The following KAZN variants were observed in gnomAD, a reference collection of about 807,000 sequenced individuals.
KAZN encodes kazrin, periplakin interacting protein, also known as kazrin.
KAZN carries 40 observed loss-of-function variants against 87.4 expected under a neutral mutation model. The ratio of observed to expected loss-of-function variants is 0.46; its 90% CI spans 0.36 to 0.60. The LOEUF (loss-of-function observed/expected upper bound fraction) is 0.60, where lower values mean the gene tolerates loss of function less well. KAZN is among the 20% of genes least tolerant of loss of function. KAZN has a pLI of 0.00. For synonymous variants in KAZN, 466 were observed against 458.3 expected, an observed-to-expected ratio of 1.02 and a Z score of -0.22; for missense variants, 898 against 1,073.9, an observed-to-expected ratio of 0.84 and a Z score of 2.29.
chr1:13,926,543 A>G (rs1640284407), intron 1 of KAZN, among the ~76,000 whole-genome samples: 1 of 152,082 alleles, frequency 6.6e-6, no homozygotes, highest in Non-Finnish European at 1.5e-5. Flanking sequence ...GTACACGTGT[A>G]GCCAGTGACA....
rs190195952 is a variant in KAZN, at chr1:14,727,688, A to G, written c.226+128465A>G. Among the ~76,000 whole-genome samples, 576 of 149,576 alleles carry G rather than the reference A, an allele frequency of 3.9e-3. 7 individuals carry two copies. The highest frequency in any genetic ancestry group is 0.013 in the African/African-American group (545 of 40,770). Reference sequence around the variant, plus strand: ...TCCATGTTGGTCAGGCTGGTCTCGAACTCCCGACCTGAGGTAATCCGCCCA... The same window carrying G: ...TCCATGTTGGTCAGGCTGGTCTCGAGCTCCCGACCTGAGGTAATCCGCCCA... On this transcript the variant is annotated intron_variant, in intron 1 of 14. Transcript: ENST00000376030.
In KAZN at chr1:14,466,924, G is replaced by A. The variant is rs543507756; in HGVS notation, c.250-132059G>A. On this transcript the variant is annotated intron_variant, in intron 2 of 16. Coordinates refer to the KAZN transcript ENST00000636203. ...GTGGAGGTTGCAGTGAGCCGAGATC[G>A]CGCCACTGCGCTCCAGCCTGGGCGA... Among the ~76,000 whole-genome samples the A allele has an allele frequency of 3.9e-5, 6 of 152,220 alleles. No homozygotes were observed. The East Asian group carries it at 7.7e-4, about 20-fold the overall frequency.
upstream of KAZN, among the ~76,000 whole-genome samples, chr1:14,598,229 C>G (rs549231686): frequency 2.0e-5 from 3 of 152,284 alleles, no homozygotes; most frequent in South Asian, 6.2e-4. This position sits in a 1 kb window ranked among gnomAD's most constrained non-coding sequence, Gnocchi z 4.2. Context: ...GGCACCAGCT[C>G]AGCTCCCCTC....
chr1:14,827,533 T>G (rs1646929340), intron 1 of KAZN, among the ~76,000 whole-genome samples: 1 of 152,100 alleles, frequency 6.6e-6, no homozygotes, highest in South Asian at 2.1e-4. Context: ...GGGGCAGGGA[T>G]TTTATTTGCC....
intron 13 of KAZN, among the ~76,000 whole-genome samples, chr1:15,104,884 A>G (rs1641242227): frequency 6.6e-6 from 1 of 152,196 alleles, no homozygotes; most frequent in South Asian, 2.1e-4. Flanking sequence ...GTACCAAGCT[A>G]TGTGCCCAAG....
At chr1:14,459,176 C>T (rs1488585077) in intron 2 of KAZN, among the ~76,000 whole-genome samples, 1 of 152,068 alleles carries the variant, frequency 6.6e-6, no homozygotes, top group African/African-American at 2.4e-5. Context: ...TCTTCATATA[C>T]TTTGCCATTT....
intron 1 of KAZN, among the ~76,000 whole-genome samples, chr1:14,784,969 C>CTTTTTTTTTTTTTTTTTT: frequency 7.3e-6 from 1 of 136,090 alleles, no homozygotes; most frequent in Non-Finnish European, 1.6e-5. Context: ...AGACTGCTTA[C>CTTTTTTTTTTTTTTTTTT]TTTTTTTTTT....
At chr1:14,558,600 A>G (rs1674059278) in intron 2 of KAZN, among the ~76,000 whole-genome samples, 1 of 152,110 alleles carries the variant, frequency 6.6e-6, no homozygotes, top group South Asian at 2.1e-4. Context: ...ATTTGGCTGG[A>G]AGGGGGAGTC....
intron 1 of KAZN, among the ~76,000 whole-genome samples, chr1:14,958,099 C>T (rs180763704): frequency 1.6e-4 from 25 of 152,322 alleles, no homozygotes; most frequent in Non-Finnish European, 2.9e-4. Flanking sequence ...CCTGCTCCCC[C>T]TCTGCCTGCT....
chr1:14,583,764 AGGCTAG>A (rs1414341252), intron 2 of KAZN, among the ~76,000 whole-genome samples: 1 of 152,230 alleles, frequency 6.6e-6, no homozygotes, highest in East Asian at 1.9e-4. Context: ...TCCACTCTGC[AGGCTAG>A]GGCTTGGTGT....
intron 2 of KAZN, among the ~76,000 whole-genome samples, chr1:14,203,588 A>G (rs573316821): frequency 6.6e-6 from 1 of 152,368 alleles, no homozygotes; most frequent in East Asian, 1.9e-4. Context: ...AGAGATTCAC[A>G]TCCCTCGATT....
intron 1 of KAZN, among the ~76,000 whole-genome samples, chr1:14,765,270 G>C (rs1038260964): frequency 6.6e-6 from 1 of 152,170 alleles, no homozygotes; most frequent in Non-Finnish European, 1.5e-5. Context: ...TGGAGACAAG[G>C]TCACCCTCAG....
chr1:14,238,343 CAT>C, intron 2 of KAZN, among the ~76,000 whole-genome samples: 1 of 152,248 alleles, frequency 6.6e-6, no homozygotes, highest in East Asian at 1.9e-4. Flanking sequence ...GGAAAAGAAA[CAT>C]GTGAGACCCA....
chr1:14,095,430 AC>A (rs1644105863), intron 1 of KAZN, among the ~76,000 whole-genome samples: 1 of 152,200 alleles, frequency 6.6e-6, no homozygotes, highest in African/African-American at 2.4e-5. Flanking sequence ...CAAACCATCT[AC>A]TACATAGTGG....
chr1:14,238,021 T>C lies in KAZN; in HGVS notation c.249+57429T>C, dbSNP rs182371192. Among the ~76,000 whole-genome samples, 287 of 152,346 alleles carry C rather than the reference T, an allele frequency of 1.9e-3. 2 individuals are homozygous for C. Among genetic ancestry groups the C allele is most frequent in the Non-Finnish European group, 3.0e-3 (203 of 68,032 alleles). On this transcript the variant is annotated intron_variant, in intron 2 of 16. Transcript: ENST00000636203. The stretch of plus-strand genomic sequence containing the variant: ...CATTTCTCTCTAGTAGCCTCCAATT[T>C]TTTTCAATGACATTTTTTAACAGCT...
chr1:14,514,029 ATAT>A (rs1671064335), intron 2 of KAZN, among the ~76,000 whole-genome samples: 1 of 151,636 alleles, frequency 6.6e-6, no homozygotes, highest in African/African-American at 2.4e-5. Context: ...CCGAAAAAAA[ATAT>A]TTTTTAGGCC....
chr1:14,970,207 G>A (rs1404385017), intron 2 of KAZN, among the ~76,000 whole-genome samples: 2 of 152,172 alleles, frequency 1.3e-5, no homozygotes, highest in Non-Finnish European at 2.9e-5. Context: ...AGTACGGAGC[G>A]TTGCTGTATA....
intron 1 of KAZN, among the ~76,000 whole-genome samples, chr1:14,079,776 C>G (rs1350343590): frequency 1.3e-5 from 2 of 152,160 alleles, no homozygotes; most frequent in Admixed American, 1.3e-4. Flanking sequence ...GTTAAACAAC[C>G]AGCTTTCCCG....
intron 13 of KAZN, among the ~76,000 whole-genome samples, chr1:15,111,541 G>T (rs1372031829): frequency 6.6e-6 from 1 of 152,314 alleles, no homozygotes; most frequent in Admixed American, 6.5e-5. Context: ...GCCTCCCACA[G>T]TGCTGGGATT....
Sources: gnomAD v4.1 joint callset for allele counts (sites outside exome capture counted in the v4.1 genomes callset) on GRCh38, gnomAD v4.1.1 for gene constraint, Gnocchi (gnomAD v3.1) non-coding constraint, MANE v1.5 for transcripts, NCBI Gene and HGNC (gene_info 2026-07-23, HGNC 2026-07-21) for gene names.